MAN1A1: variants seen among roughly 807,000 people sequenced by gnomAD.
The protein encoded by MAN1A1 is mannosidase alpha class 1A member 1.
In MAN1A1, 29 loss-of-function variants were observed where a neutral mutation model predicts 70.8. The ratio of observed to expected loss-of-function variants is 0.41; its 90% CI spans 0.31 to 0.56. The LOEUF (loss-of-function observed/expected upper bound fraction) is 0.56, where lower values mean the gene tolerates loss of function less well. Ranked by LOEUF, MAN1A1 falls within the 20% of genes least tolerant of loss-of-function variation. The pLI is 0.29. For missense variants in MAN1A1, 747 were observed against 841.3 expected, an observed-to-expected ratio of 0.89 and a Z score of 1.39; for synonymous variants, 349 against 330.1, an observed-to-expected ratio of 1.06 and a Z score of -0.62.
intron 11 of MAN1A1, among the ~76,000 whole-genome samples, chr6:119,185,652 T>C (rs922084061): frequency 2.6e-5 from 4 of 152,024 alleles, no homozygotes; most frequent in East Asian, 3.9e-4. Flanking sequence ...TCTCGGCTCA[T>C]TGCAAGCTCC....
intron 5 of MAN1A1, among the ~76,000 whole-genome samples, chr6:119,258,301 C>T (rs574348610): frequency 6.6e-6 from 1 of 152,256 alleles, no homozygotes; most frequent in East Asian, 1.9e-4. Context: ...ACAGTTGGAC[C>T]TTTGTATCTG....
intron 2 of MAN1A1, among the ~76,000 whole-genome samples, chr6:119,329,956 T>A (rs1442217997): frequency 6.6e-6 from 1 of 152,138 alleles, no homozygotes; most frequent in African/African-American, 2.4e-5. Flanking sequence ...CTGCTGAGAC[T>A]CACTCCTTCA....
chr6:119,215,055 G>C (rs1226408898), intron 6 of MAN1A1, among the ~76,000 whole-genome samples: 1 of 151,788 alleles, frequency 6.6e-6, no homozygotes, highest in Admixed American at 6.6e-5. Context: ...GTTGTGGGGT[G>C]GGGGGAAGGG....
At chr6:119,297,473 T>C (rs1353144293) in intron 4 of MAN1A1, among the ~76,000 whole-genome samples, 3 of 152,168 alleles carry the variant, frequency 2.0e-5, no homozygotes, top group African/African-American at 7.2e-5. Flanking sequence ...ATTCTCTGAC[T>C]GCGTATATAT....
chr6:119,220,927 A>G (rs1043787016), intron 6 of MAN1A1, among the ~76,000 whole-genome samples: 8 of 152,152 alleles, frequency 5.3e-5, no homozygotes, highest in African/African-American at 1.9e-4. Flanking sequence ...TACAAAACTG[A>G]CTCATAATAT....
chr6:119,218,185 T>C (rs763754214), intron 6 of MAN1A1, among the ~76,000 whole-genome samples: 2 of 152,204 alleles, frequency 1.3e-5, no homozygotes, highest in Non-Finnish European at 2.9e-5. Flanking sequence ...TGTTGTCTTT[T>C]GATTTTAGTC....
intron 5 of MAN1A1, among the ~76,000 whole-genome samples, chr6:119,277,962 A>AACATAAAT (rs373080200): frequency 8.7e-6 from 1 of 114,678 alleles, no homozygotes; most frequent in East Asian, 2.7e-4. Context: ...AAAAAAAGTA[A>AACATAAAT]AAATAAATAA....
At chr6:119,312,973 C>T (rs1772751813) in intron 2 of MAN1A1, among the ~76,000 whole-genome samples, 1 of 152,190 alleles carries the variant, frequency 6.6e-6, no homozygotes, top group African/African-American at 2.4e-5. Flanking sequence ...CTAGAAGACA[C>T]TCAATGAGCC....
intron 6 of MAN1A1, among the ~76,000 whole-genome samples, chr6:119,212,576 C>T (rs1388975312): frequency 6.6e-6 from 1 of 152,168 alleles, no homozygotes; most frequent in Non-Finnish European, 1.5e-5. Context: ...ACCAAGATAT[C>T]CTACCCTGAA....
At chr6:119,335,514 C>G (rs1322069366) in intron 2 of MAN1A1, among the ~76,000 whole-genome samples, 1 of 152,196 alleles carries the variant, frequency 6.6e-6, no homozygotes, top group African/African-American at 2.4e-5. Flanking sequence ...CTTTTATTGT[C>G]AAATTCTGGG....
rs3798633 is a variant in MAN1A1 at position 119,310,515 on chromosome 6, T to A, written c.604-3523A>T. ...CCTGGTGCCCAACTCAAAGGCAGATTGCTGAGAGCTAGCCATGAGCCTCCA... is the reference window on the plus strand; with the variant it reads ...CCTGGTGCCCAACTCAAAGGCAGATAGCTGAGAGCTAGCCATGAGCCTCCA... On this transcript the variant is annotated intron_variant, in intron 2 of 12. Coordinates refer to ENST00000368468, the MANE Select transcript of MAN1A1 (RefSeq NM_005907.4). Among the ~76,000 whole-genome samples, 894 of 152,270 alleles carry A rather than the reference T, an allele frequency of 5.9e-3. 30 individuals carry two copies. In the East Asian group the frequency reaches 0.09, roughly 15 times the overall value.
At chr6:119,189,484 A>G (rs541763468) in intron 10 of MAN1A1, among the ~76,000 whole-genome samples, 180 bp downstream of exon 10, 2 of 152,318 alleles carry the variant, frequency 1.3e-5, no homozygotes, top group East Asian at 1.9e-4. Context: ...CTAAAGGTAG[A>G]TATTTTTAGG....
chr6:119,190,856 T>C (rs1377017564), intron 9 of MAN1A1, among the ~76,000 whole-genome samples: 2 of 152,186 alleles, frequency 1.3e-5, no homozygotes, highest in Non-Finnish European at 2.9e-5. Flanking sequence ...ATTGCTAATC[T>C]CCAATTACTC....
rs569453661 is a variant in MAN1A1 at position 119,337,371 on chromosome 6, G to A, written c.603+11092C>T. ...CTTCTGGAATACCAGATTACTTAGC[G>A]CGAAATCACACTTAACCTGAGTAAC... is the stretch of plus-strand genomic sequence containing the variant. On this transcript the variant is annotated intron_variant, in intron 2 of 12. Coordinates refer to ENST00000368468, the MANE Select transcript of MAN1A1 (RefSeq NM_005907.4). 5.3e-5 allele frequency among the ~76,000 whole-genome samples: 8 copies of A among 152,218 alleles called. No homozygotes were observed. The South Asian group carries it at 6.2e-4, about 12-fold the overall frequency.
rs1054210344 is a variant in MAN1A1, at chr6:119,312,583, G to A, written c.604-5591C>T. On this transcript the variant is annotated intron_variant, in intron 2 of 12. Transcript: ENST00000368468. ...CCCCACCACCTACATTTCCTTATGG[G>A]AATGAAGATCTGGAGGGCCAGAAGG... Among the ~76,000 whole-genome samples the A allele has an allele frequency of 2.0e-5, 3 of 152,166 alleles. No homozygotes were observed. In the South Asian group the frequency reaches 6.2e-4, roughly 32 times the overall value.
chr6:119,309,723 G>T (rs572645087), intron 2 of MAN1A1, among the ~76,000 whole-genome samples: 5 of 152,200 alleles, frequency 3.3e-5, no homozygotes, highest in African/African-American at 1.2e-4. Flanking sequence ...GTGAAAGGTA[G>T]AGCTGACACG....
chr6:119,192,925 A>G (rs953955630), intron 9 of MAN1A1, among the ~76,000 whole-genome samples: 3 of 152,144 alleles, frequency 2.0e-5, no homozygotes, highest in African/African-American at 7.2e-5. Flanking sequence ...CTTTTATACT[A>G]GCCTCCTCCT....
At chr6:119,342,453 C>T (rs1463986536) in intron 2 of MAN1A1, among the ~76,000 whole-genome samples, 2 of 152,166 alleles carry the variant, frequency 1.3e-5, no homozygotes, top group Non-Finnish European at 2.9e-5. Context: ...TTTACTATCA[C>T]ATTTAAGCCT....
chr6:119,252,791 C>CA (rs1371697085), intron 5 of MAN1A1, among the ~76,000 whole-genome samples: 214 of 148,046 alleles, frequency 1.4e-3, no homozygotes, highest in African/African-American at 4.5e-3. Context: ...ACTCTTGTCT[C>CA]AAAAAAAAAT....
Sources: allele counts gnomAD v4.1 joint callset (sites outside exome capture counted in the v4.1 genomes callset), GRCh38; gene constraint gnomAD v4.1.1; transcripts MANE v1.5; gene names NCBI Gene and HGNC (gene_info 2026-07-23, HGNC 2026-07-21).